The following KCNJ12 variants were observed in gnomAD, a reference collection of about 807,000 sequenced individuals.
KCNJ12 encodes the protein ATP-sensitive inward rectifier potassium channel 12.
In KCNJ12, 2 loss-of-function variants were observed where a neutral mutation model predicts 22.3. The observed-to-expected ratio is 0.09, with a 90% confidence interval of 0.04 to 0.28. The LOEUF (loss-of-function observed/expected upper bound fraction) is 0.28, where lower values mean the gene tolerates loss of function less well. Ranked by LOEUF, KCNJ12 falls within the 10% of genes least tolerant of loss-of-function variation. KCNJ12 has a pLI of 1.00. For missense variants in KCNJ12, 155 were observed against 633.3 expected, an observed-to-expected ratio of 0.24 and a Z score of 8.11; for synonymous variants, 117 against 261.4, an observed-to-expected ratio of 0.45 and a Z score of 5.33.
At chr17:21,378,161 C>T (rs1904734236) in intron 1 of KCNJ12, among the ~76,000 whole-genome samples, 1 of 152,210 alleles carries the variant, frequency 6.6e-6, no homozygotes, top group Admixed American at 6.5e-5. Context: ...GAGAGCCGGT[C>T]CCTGGCCGCG....
chr17:21,408,250 G>A (rs1906100614), intron 1 of KCNJ12, among the ~76,000 whole-genome samples: 1 of 152,384 alleles, frequency 6.6e-6, no homozygotes, highest in East Asian at 1.9e-4. Context: ...GCCTACTATA[G>A]TGTCTGGCAT....
At chr17:21,389,035 C>T (rs1257164157) in intron 1 of KCNJ12, among the ~76,000 whole-genome samples, 1 of 152,212 alleles carries the variant, frequency 6.6e-6, no homozygotes, top group Admixed American at 6.5e-5. Flanking sequence ...AGCTGCATCA[C>T]CTCTCTGAAC....
chr17:21,403,504 G>A (rs1338317030), intron 1 of KCNJ12, among the ~76,000 whole-genome samples: 4 of 152,172 alleles, frequency 2.6e-5, no homozygotes, highest in Non-Finnish European at 5.9e-5. Context: ...TGGCTGCTCA[G>A]GACATGTCTG....
At chr17:21,382,017 C>G (rs1296244457) in intron 1 of KCNJ12, among the ~76,000 whole-genome samples, 1 of 152,214 alleles carries the variant, frequency 6.6e-6, no homozygotes, top group African/African-American at 2.4e-5. Flanking sequence ...AGGTCACTGT[C>G]CAAGAACTGT....
chr17:21,409,649 T>C (rs1906206133), intron 2 of KCNJ12, among the ~76,000 whole-genome samples: 1 of 152,306 alleles, frequency 6.6e-6, no homozygotes, highest in Admixed American at 6.5e-5. Flanking sequence ...CAGCATCAGC[T>C]CCTCAGCCTG....
chr17:21,388,913 C>T (rs1242342067), intron 1 of KCNJ12, among the ~76,000 whole-genome samples: 1 of 152,144 alleles, frequency 6.6e-6, no homozygotes. Context: ...ATCCAGGAGG[C>T]GTTTTGCCAC....
At chr17:21,381,934 C>T (rs1011998974) in intron 1 of KCNJ12, among the ~76,000 whole-genome samples, 4 of 152,210 alleles carry the variant, frequency 2.6e-5, no homozygotes, top group Admixed American at 2.0e-4. Context: ...GCCTGACATG[C>T]AGTGAGTGCT....
At chr17:21,380,789 GCCCC>G (rs1904838810) in intron 1 of KCNJ12, among the ~76,000 whole-genome samples, 2 of 16,688 alleles carry the variant, frequency 1.2e-4, no homozygotes, top group Non-Finnish European at 2.2e-4. Flanking sequence ...GTAGCAGTGG[GCCCC>G]AGATGGCAGT....
At chr17:21,397,103 C>T (rs143778188) in intron 1 of KCNJ12, among the ~76,000 whole-genome samples, 1 of 152,330 alleles carries the variant, frequency 6.6e-6, no homozygotes, top group Non-Finnish European at 1.5e-5. Context: ...AGGGCAGATG[C>T]TTGGCAGTAA....
intron 2 of KCNJ12, among the ~76,000 whole-genome samples, chr17:21,408,920 G>A (rs1213947958): frequency 5.1e-4 from 77 of 152,212 alleles, no homozygotes; most frequent in African/African-American, 1.8e-3. Context: ...CCATCTATCT[G>A]GTCACCCCTA....
chr17:21,402,591 C>T (rs76334741), intron 1 of KCNJ12, among the ~76,000 whole-genome samples: 2 of 152,312 alleles, frequency 1.3e-5, no homozygotes. Flanking sequence ...AGGTCAGCCT[C>T]CTGCCCATGG....
At chr17:21,403,412 C>A (rs1380651392) in intron 1 of KCNJ12, among the ~76,000 whole-genome samples, 4 of 152,284 alleles carry the variant, frequency 2.6e-5, no homozygotes, top group African/African-American at 9.6e-5. Context: ...GCAAATTTCC[C>A]AGCCTTTCCT....
intron 1 of KCNJ12, among the ~76,000 whole-genome samples, chr17:21,388,527 G>A (rs989219629): frequency 2.6e-5 from 4 of 152,164 alleles, no homozygotes; most frequent in African/African-American, 7.2e-5. Flanking sequence ...CCCAACTGCC[G>A]CCAGGAAATT....
chr17:21,413,905 G>A (rs1305996325), intron 2 of KCNJ12, among the ~76,000 whole-genome samples: 1 of 152,290 alleles, frequency 6.6e-6, no homozygotes, highest in African/African-American at 2.4e-5. Flanking sequence ...GCACTGCCCA[G>A]GTGCTAGGGT....
chr17:21,412,595 C>G (rs1597581321), intron 2 of KCNJ12, among the ~76,000 whole-genome samples: 1 of 152,304 alleles, frequency 6.6e-6, no homozygotes, highest in African/African-American at 2.4e-5. Flanking sequence ...GTCCAGGAAT[C>G]TGGGGCTGAG....
chr17:21,379,323 A>G (rs1904783710), intron 1 of KCNJ12, among the ~76,000 whole-genome samples: 1 of 152,194 alleles, frequency 6.6e-6, no homozygotes, highest in South Asian at 2.1e-4. Context: ...CATTACTGTC[A>G]TCAACCTCTG....
intron 1 of KCNJ12, among the ~76,000 whole-genome samples, chr17:21,381,240 C>T (rs1317452516): frequency 1.3e-5 from 2 of 152,166 alleles, no homozygotes; most frequent in African/African-American, 2.4e-5. Context: ...CCTGCCCTCA[C>T]CTGCAGCCCA....
At chr17:21,399,170 C>T (rs1349413123) in intron 1 of KCNJ12, among the ~76,000 whole-genome samples, 1 of 152,206 alleles carries the variant, frequency 6.6e-6, no homozygotes, top group African/African-American at 2.4e-5. Flanking sequence ...TCCCCCATGC[C>T]TGCTTCTGGC....
intron 1 of KCNJ12, among the ~76,000 whole-genome samples, chr17:21,407,999 A>G (rs1906078704): frequency 6.6e-6 from 1 of 151,608 alleles, no homozygotes. Context: ...TCCATCATCC[A>G]TCCATCCATC....
Sources: gnomAD v4.1 joint callset for allele counts (sites outside exome capture counted in the v4.1 genomes callset) on GRCh38, gnomAD v4.1.1 for gene constraint, MANE v1.5 for transcripts, NCBI Gene and HGNC (gene_info 2026-07-23, HGNC 2026-07-21) for gene names.